The following DCDC1 variants were observed in gnomAD, a reference collection of about 807,000 sequenced individuals.
DCDC1 encodes doublecortin domain containing 1.
In DCDC1, 200 loss-of-function variants were observed where a neutral mutation model predicts 178.3. That is an observed-to-expected ratio of 1.12 (90% CI 1.00 to 1.26). The LOEUF is 1.26. Ranked by LOEUF, DCDC1 falls within the 50% of genes most tolerant of loss-of-function variation. The probability of loss-of-function intolerance (pLI) is 0.00; values close to 1 mark genes in which losing one functional copy is unlikely to be tolerated. For synonymous variants in DCDC1, 690 were observed against 604.8 expected, an observed-to-expected ratio of 1.14 and a Z score of -2.07; for missense variants, 1,983 against 1,749.2, an observed-to-expected ratio of 1.13 and a Z score of -2.38.
chr11:31,129,057 T>C (rs929670290), intron 10 of DCDC1, among the ~76,000 whole-genome samples: 3 of 152,240 alleles, frequency 2.0e-5, no homozygotes, highest in African/African-American at 2.4e-5. Flanking sequence ...GCTAAAAATA[T>C]GGTATTTGCC....
intron 21 of DCDC1, among the ~76,000 whole-genome samples, chr11:30,945,214 G>A (rs545288712): frequency 3.3e-5 from 5 of 151,524 alleles, no homozygotes; most frequent in Admixed American, 2.0e-4. Context: ...TGATCTGCCC[G>A]CCTCAGCCTC....
chr11:31,003,433 C>T (rs562320632), intron 20 of DCDC1, among the ~76,000 whole-genome samples: 1 of 152,182 alleles, frequency 6.6e-6, no homozygotes, highest in African/African-American at 2.4e-5. Context: ...ATGGTAAGTA[C>T]AAACAAACAC....
chr11:30,915,701 T>C lies in DCDC1; in HGVS notation c.3463A>G (p.Lys1155Glu). The change falls in exon 27 of 39, where the codon AAG becomes GAG. Residue 1155 changes from lysine to glutamate, a missense_variant. Coordinates refer to ENST00000684477, the MANE Select transcript of DCDC1 (RefSeq NM_001387274.1). ...CAATGCTTGTGCAATTTACTATGCT[T>C]TGGTGAACAGCTGAGATAAAGAAAT... ...EPQKKHSCSP[K>E]HSKLHKHCHQ... The C allele has an allele frequency of 6.2e-7, 1 of 1,613,088 alleles. No individual in the cohort carries two copies. The highest frequency in any genetic ancestry group is 8.5e-7 in the Non-Finnish European group (1 of 1,179,438).
At chr11:31,283,128 C>A (rs531107968) in intron 7 of DCDC1, among the ~76,000 whole-genome samples, 2 of 152,240 alleles carry the variant, frequency 1.3e-5, no homozygotes, top group South Asian at 4.1e-4. Flanking sequence ...ACCAAGAACT[C>A]AGGAAAAATT....
intron 21 of DCDC1, 71 bp from the exon 22 acceptor site, chr11:30,932,023 T>G (rs1345482406): frequency 5.0e-6 from 7 of 1,410,270 alleles, no homozygotes; most frequent in Non-Finnish European, 6.5e-6. Flanking sequence ...TTTAAAAATA[T>G]TAAACACAGT....
chr11:31,208,068 A>G (rs1299773736), intron 9 of DCDC1, among the ~76,000 whole-genome samples: 1 of 151,722 alleles, frequency 6.6e-6, no homozygotes, highest in African/African-American at 2.4e-5. Context: ...TGGTATCTTT[A>G]TTTTCTTTAT....
chr11:30,864,126 CA>C lies in DCDC1; in HGVS notation c.*1246del, dbSNP rs57003245. The stretch of plus-strand genomic sequence containing the variant: ...TGGGCAACAGAGTGAGACTCCATCT[CA>C]AAAAAAAAAAATTGCATATCTGTAT... On this transcript the variant is annotated 3_prime_UTR_variant, in exon 39 of 39. Transcript: ENST00000684477. 3,228 of 141,910 alleles carry C rather than the reference CA, an allele frequency of 0.023. 115 individuals are homozygous for C. The highest frequency in any genetic ancestry group is 0.075 in the African/African-American group (2,940 of 38,954). 8.8% of individuals were successfully genotyped at this position (141,910 alleles called of 1,614,324 possible). A position where few individuals can be genotyped will look rare whatever the true frequency, so the allele number is the denominator to read the frequency against.
chr11:31,229,682 T>A (rs1373157105), intron 9 of DCDC1, among the ~76,000 whole-genome samples: 1 of 152,058 alleles, frequency 6.6e-6, no homozygotes, highest in Non-Finnish European at 1.5e-5. Context: ...CAATGACCAA[T>A]TGGCATTTAT....
chr11:31,082,410 T>C (rs1957230388), intron 17 of DCDC1, among the ~76,000 whole-genome samples: 1 of 152,114 alleles, frequency 6.6e-6, no homozygotes, highest in African/African-American at 2.4e-5. Context: ...TGAAATCATA[T>C]GACTTCCAAG....
chr11:31,138,762 T>C (rs773523805), intron 9 of DCDC1, among the ~76,000 whole-genome samples: 90 of 152,162 alleles, frequency 5.9e-4, no homozygotes, highest in Non-Finnish European at 8.5e-4. Context: ...ACCTGAAGAC[T>C]TACTCCTATA....
intron 8 of DCDC1, among the ~76,000 whole-genome samples, chr11:31,261,530 A>G (rs1944782860): frequency 6.6e-6 from 1 of 152,246 alleles, no homozygotes; most frequent in Admixed American, 6.5e-5. Flanking sequence ...ACAAGTTTAA[A>G]AACAATACAG....
chr11:31,040,088 A>G (rs1256735437), intron 20 of DCDC1, among the ~76,000 whole-genome samples: 3 of 152,160 alleles, frequency 2.0e-5, no homozygotes, highest in African/African-American at 7.2e-5. Context: ...AATATTGGCT[A>G]CTGGAAGACA....
At chr11:31,173,737 TAC>T (rs918588663) in intron 9 of DCDC1, among the ~76,000 whole-genome samples, 58 of 118,200 alleles carry the variant, frequency 4.9e-4, no homozygotes, top group Middle Eastern at 8.8e-3. Flanking sequence ...TTCACACACT[TAC>T]ACACACACAC....
rs1439991638 is a variant in DCDC1, at chr11:31,296,970, C to CA, written c.755-6119dup. On this transcript the variant is annotated intron_variant, in intron 6 of 38. Coordinates refer to ENST00000684477, the MANE Select transcript of DCDC1 (RefSeq NM_001387274.1). ...TTTCCGTGGGGACACAGAGCCAGAC[C>CA]ATATCAACCAGGGAACCCTCCTATT... Among the ~76,000 whole-genome samples, 3 of 152,256 alleles carry CA rather than the reference C, an allele frequency of 2.0e-5. No homozygotes were observed. In the East Asian group the frequency reaches 5.8e-4, roughly 29 times the overall value.
intron 1 of DCDC1, among the ~76,000 whole-genome samples, chr11:31,340,509 G>T (rs1950492238): frequency 6.6e-6 from 1 of 152,194 alleles, no homozygotes; most frequent in Non-Finnish European, 1.5e-5. Context: ...GGGTCAACTT[G>T]GCAGGGCCAT....
intron 8 of DCDC1, among the ~76,000 whole-genome samples, chr11:31,243,781 A>G (rs1977479718): frequency 6.6e-6 from 1 of 151,806 alleles, no homozygotes; most frequent in Non-Finnish European, 1.5e-5. Context: ...AACCAGAAAC[A>G]GCAAAGCAAA....
At chr11:31,187,009 T>C (rs1422762826) in intron 9 of DCDC1, among the ~76,000 whole-genome samples, 1 of 152,192 alleles carries the variant, frequency 6.6e-6, no homozygotes. Flanking sequence ...GTCTGTTTTC[T>C]AGAGAGCCCA....
intron 27 of DCDC1, among the ~76,000 whole-genome samples, chr11:30,914,813 AC>A (rs1426222840): frequency 6.6e-6 from 1 of 152,188 alleles, no homozygotes; most frequent in Non-Finnish European, 1.5e-5. Flanking sequence ...ATCTGTAAAT[AC>A]TACAATGTTT....
At chr11:31,071,928 A>G (rs967525883) in intron 18 of DCDC1, among the ~76,000 whole-genome samples, 7 of 152,212 alleles carry the variant, frequency 4.6e-5, no homozygotes, top group Non-Finnish European at 1.5e-5. Flanking sequence ...TCTCACAAGT[A>G]ACTTTGAGTT....
Sources: allele counts gnomAD v4.1 joint callset (sites outside exome capture counted in the v4.1 genomes callset), GRCh38; gene constraint gnomAD v4.1.1; transcripts MANE v1.5; gene names NCBI Gene and HGNC (gene_info 2026-07-23, HGNC 2026-07-21).